GOLGA3: variants seen among roughly 807,000 people sequenced by gnomAD.
GOLGA3 encodes golgin subfamily A member 3.
In GOLGA3, 75 loss-of-function variants were observed where a neutral mutation model predicts 169.4. The ratio of observed to expected loss-of-function variants is 0.44; its 90% confidence interval spans 0.37 to 0.54. GOLGA3 has a LOEUF of 0.54. GOLGA3 is among the 20% of genes least tolerant of loss of function. The probability of loss-of-function intolerance (pLI) is 0.00; values close to 1 mark genes in which losing one functional copy is unlikely to be tolerated. For synonymous variants in GOLGA3, 824 were observed against 822.4 expected (o/e 1.00, Z -0.03); for missense variants, 1,899 against 1,930.0 (o/e 0.98, Z 0.30).
At position 132,770,973 on chromosome 12, in the gene GOLGA3, C is replaced by G. The variant is rs1400599895; in HGVS notation, c.*2132G>C. 6 of 152,504 alleles carry G rather than the reference C, an allele frequency of 3.9e-5. No individual in the cohort carries two copies. The highest frequency in any genetic ancestry group is 8.8e-5 in the Non-Finnish European group (6 of 68,016). The allele number at this position is 152,504 out of a possible 1,614,324, so 9.4% of individuals were successfully genotyped here. On this transcript the variant is annotated 3_prime_UTR_variant, in exon 24 of 24. Transcript: ENST00000450791. ...TTAAAATTAAAACAAAGGGGTAGTA[C>G]AGCCAAAATAAATAAGAACGTAAAT...
chr12:132,801,124 G>A (rs988540100), intron 8 of GOLGA3, among the ~76,000 whole-genome samples: 4 of 152,242 alleles, frequency 2.6e-5, no homozygotes, highest in Non-Finnish European at 5.9e-5. Context: ...GCTGTGGGCC[G>A]AGGCACAGGC....
In GOLGA3 at chr12:132,786,551, T is replaced by G; in HGVS notation, c.2911A>C (p.Ile971Leu). 3 of 1,613,162 alleles carry G rather than the reference T, an allele frequency of 1.9e-6. No homozygotes were observed. The highest frequency in any genetic ancestry group is 2.5e-6 in the Non-Finnish European group (3 of 1,179,712). The change falls in exon 15 of 24, where the codon ATC becomes CTC. Residue 971 changes from isoleucine (I) to leucine (L), a missense_variant. Transcript: ENST00000450791. Reference sequence around the variant, plus strand: ...CTCATCTTCTGCTTCTGTTCCGTGATGGCCCTGGGGTGTCATGAGGGAGAC... The same window carrying G: ...CTCATCTTCTGCTTCTGTTCCGTGAGGGCCCTGGGGTGTCATGAGGGAGAC... ...EELQQEARKA[I>L]TEQKQKMRRL...
intron 2 of GOLGA3, among the ~76,000 whole-genome samples, chr12:132,820,973 G>C (rs2008298): frequency 0.22 from 32,899 of 151,446 alleles, 4,220 homozygotes; most frequent in East Asian, 0.59. Context: ...GGTGGCAGGT[G>C]CCTGTAGTCC....
In GOLGA3 at chr12:132,777,482, G is replaced by A. The variant is rs1418332688; in HGVS notation, c.3722+184C>T. Among the ~76,000 whole-genome samples the A allele has an allele frequency of 6.6e-6, 1 of 152,210 alleles. No individual in the cohort carries two copies. The highest frequency in any genetic ancestry group is 1.5e-5 in the Non-Finnish European group (1 of 68,040). On this transcript the variant is annotated intron_variant, in intron 19 of 23. Coordinates refer to ENST00000450791, the MANE Select transcript of GOLGA3 (RefSeq NM_001389683.1). The surrounding 1 kb of genome is among the most constrained non-coding windows in gnomAD (Gnocchi z 4.7). ...GCTTTCTCTCTTGGGGGGAGGACAC[G>A]GGGCAGTGAGTGAGGCTCAGGATTC...
At position 132,801,913 on chromosome 12, in the gene GOLGA3, G is replaced by C. The variant is rs140816650; in HGVS notation, c.1654C>G (p.Leu552Val). 196 of 1,602,032 alleles carry C rather than the reference G, an allele frequency of 1.2e-4. No individual in the cohort carries two copies. The African/African-American group carries it at 2.2e-3, about 18-fold the overall frequency. The change falls in exon 8 of 24, where the codon CTG (leucine) becomes GTG (valine). Residue 552 changes from leucine (L) to valine (V), a missense_variant. Coordinates refer to ENST00000450791, the MANE Select transcript of GOLGA3 (RefSeq NM_001389683.1). Reference sequence around the variant, plus strand: ...TTGCTGGTCAGCGTCGTCCGCTCCAGCTGCACCTGCTGAAGCTGGCTCTGC... The same window carrying C: ...TTGCTGGTCAGCGTCGTCCGCTCCACCTGCACCTGCTGAAGCTGGCTCTGC... ...ALQSQLQQVQLERTTLTSKLK... is the reference protein window; with the variant it reads ...ALQSQLQQVQVERTTLTSKLK...
chr12:132,811,372 G>A (rs900379846), intron 4 of GOLGA3, among the ~76,000 whole-genome samples: 1 of 152,148 alleles, frequency 6.6e-6, no homozygotes, highest in African/African-American at 2.4e-5. Context: ...GCCCTCTGCG[G>A]CCATTCTAAC....
intron 18 of GOLGA3, 34 bp downstream of exon 18, chr12:132,780,764 T>A: frequency 7.3e-7 from 1 of 1,362,054 alleles, no homozygotes; most frequent in Non-Finnish European, 1.0e-6. Flanking sequence ...GAGCGTCCTC[T>A]GGAACGCCCT....
At chr12:132,791,362 A>T in intron 11 of GOLGA3, 69 bp from the exon 12 acceptor site, 1 of 825,802 alleles carries the variant, frequency 1.2e-6, no homozygotes, top group African/African-American at 1.7e-5. Context: ...CACAGATGTT[A>T]CACTGAAGCC....
At chr12:132,784,358 C>T in intron 15 of GOLGA3, 51 bp from the exon 16 acceptor site, 1 of 1,485,674 alleles carries the variant, frequency 6.7e-7, no homozygotes, top group Non-Finnish European at 9.1e-7. Flanking sequence ...GCCCTGACCC[C>T]CCTCACTTCC....
chr12:132,802,036 G>T, intron 7 of GOLGA3, 67 bp from the exon 8 acceptor site: 3 of 1,255,458 alleles, frequency 2.4e-6, no homozygotes, highest in Non-Finnish European at 3.4e-6. Context: ...AGCTCCGCGC[G>T]TGCGGGACAC....
At chr12:132,781,408 A>G (rs936571772) in intron 17 of GOLGA3, among the ~76,000 whole-genome samples, 3 of 152,094 alleles carry the variant, frequency 2.0e-5, no homozygotes, top group Non-Finnish European at 4.4e-5. Context: ...AAATATGAAA[A>G]ATTAGCTGGG....
In GOLGA3 at chr12:132,822,166, T is replaced by G. The variant is rs368741425; in HGVS notation, c.-38A>C. On this transcript the variant is annotated 5_prime_UTR_variant, in exon 2 of 24. Coordinates refer to ENST00000450791, the MANE Select transcript of GOLGA3 (RefSeq NM_001389683.1). ...ACCAGCTGAGCTGACGCTGAGGGGC[T>G]ACAAGTGAACCTTGGACAAGCTTGG... The G allele has an allele frequency of 1.0e-5, 16 of 1,578,462 alleles. No homozygotes were observed. In the African/African-American group the frequency reaches 2.1e-4, roughly 20 times the overall value.
At chr12:132,774,934 C>T (rs1177070733) in intron 22 of GOLGA3, 4 of 570,078 alleles carry the variant, frequency 7.0e-6, no homozygotes, top group African/African-American at 3.8e-5. Flanking sequence ...TTTGAATTCA[C>T]AGAACGAGGA....
At position 132,804,844 on chromosome 12, in the gene GOLGA3, A is replaced by G. The variant is rs754214868; in HGVS notation, c.1469T>C (p.Met490Thr). 6.2e-6 allele frequency: 10 copies of G among 1,614,028 alleles called. No individual in the cohort carries two copies. The highest frequency in any genetic ancestry group is 1.3e-5 in the African/African-American group (1 of 74,932). ...CAGGCTGGCATTTTTTGCCTCCAGCATGTTCTGCAGGTCAGTCATGGCTCG... is the reference window on the plus strand; with the variant it reads ...CAGGCTGGCATTTTTTGCCTCCAGCGTGTTCTGCAGGTCAGTCATGGCTCG... Reference protein sequence around the residue: ...LERAMTDLQNMLEAKNASLAS... With the variant: ...LERAMTDLQNTLEAKNASLAS... The change falls in exon 7 of 24, where the codon ATG (methionine) becomes ACG (threonine). Residue 490 changes from methionine to threonine, a missense_variant. Met to Thr is a moderately conservative substitution (Grantham distance 81). Coordinates refer to ENST00000450791, the MANE Select transcript of GOLGA3 (RefSeq NM_001389683.1). This position sits in a 1 kb window ranked among gnomAD's most constrained non-coding sequence, Gnocchi z 4.1.
rs144010807 is a variant in GOLGA3, at chr12:132,790,191, G to A, written c.2548-901C>T. ...CTAAAAATGCAAAAAAAAATTAGTC[G>A]GGCGTGGTGGCCGGTGCCTGTAGTC... On this transcript the variant is annotated intron_variant, in intron 12 of 23. Coordinates refer to ENST00000450791, the MANE Select transcript of GOLGA3 (RefSeq NM_001389683.1). Among the ~76,000 whole-genome samples the A allele has an allele frequency of 1.9e-3, 284 of 151,702 alleles. 1 individual carries two copies. Among genetic ancestry groups the A allele is most frequent in the African/African-American group, 6.2e-3 (258 of 41,360 alleles).
At chr12:132,818,894 C>T (rs769299435) in intron 2 of GOLGA3, among the ~76,000 whole-genome samples, 1 of 151,956 alleles carries the variant, frequency 6.6e-6, no homozygotes, top group Non-Finnish European at 1.5e-5. Flanking sequence ...ATTCTATACC[C>T]ACGTGTTACC....
At chr12:132,828,762 G>C (rs1024280591) in intron 1 of GOLGA3, 41 bp downstream of exon 1, 8 of 152,292 alleles carry the variant, frequency 5.3e-5, no homozygotes, top group African/African-American at 1.9e-4. Context: ...GCGGGAGCGG[G>C]AGCCCGAGCC....
chr12:132,782,229 C>T lies in GOLGA3; in HGVS notation c.3465+67G>A. On this transcript the variant is annotated intron_variant, in intron 17 of 23. Transcript: ENST00000450791. ...CAGGTGACTGAATCTGGATGAGATT[C>T]TCGGAGTGCGCACAGCCCCACCAAC... The T allele has an allele frequency of 3.7e-6, 5 of 1,345,836 alleles. 1 individual carries two copies. Among genetic ancestry groups the T allele is most frequent in the South Asian group, 3.5e-5 (3 of 85,580 alleles). The allele number at this position is 1,345,836 out of a possible 1,614,324, so 83.4% of individuals were successfully genotyped here.
At chr12:132,801,733 G>T in intron 8 of GOLGA3, 34 bp downstream of exon 8, 1 of 1,576,974 alleles carries the variant, frequency 6.3e-7, no homozygotes, top group Non-Finnish European at 8.7e-7. Flanking sequence ...GACAAGAAGC[G>T]TGACCTGCCC....
Sources: allele counts gnomAD v4.1 joint callset (sites outside exome capture counted in the v4.1 genomes callset), GRCh38; gene constraint gnomAD v4.1.1; non-coding constraint Gnocchi (gnomAD v3.1); transcripts MANE v1.5; gene names NCBI Gene and HGNC (gene_info 2026-07-23, HGNC 2026-07-21).